Variants in LINGO2 observed in about 807,000 individuals in gnomAD.
LINGO2 encodes the protein leucine-rich repeat and immunoglobulin-like domain-containing nogo receptor-interacting protein 2.
Under a neutral mutation model 30.6 loss-of-function variants are expected in LINGO2, and 14 were observed. That is an observed-to-expected ratio of 0.46 (90% CI 0.30 to 0.72). LINGO2 has a LOEUF of 0.72. LINGO2 is among the 30% of genes least tolerant of loss of function. LINGO2 has a pLI of 0.07. For missense variants in LINGO2, 729 were observed against 751.7 expected (o/e 0.97, Z 0.35); for synonymous variants, 317 against 288.5 (o/e 1.10, Z -1.00).
the LINGO2 span, among the ~76,000 whole-genome samples, chr9:28,792,636 A>C: frequency 1.3e-5 from 2 of 152,274 alleles, no homozygotes; most frequent in Admixed American, 1.3e-4. Flanking sequence ...AAAACTTCAT[A>C]TAAATATGTG....
chr9:28,991,121 A>C, the LINGO2 span, among the ~76,000 whole-genome samples: 2 of 152,258 alleles, frequency 1.3e-5, no homozygotes, highest in Admixed American at 1.3e-4. Context: ...CTATCACAAA[A>C]ATTTAGACGA....
intron 4 of LINGO2, among the ~76,000 whole-genome samples, chr9:28,057,640 A>ACACATATATCTATAT (rs1235437530): frequency 1.0e-5 from 1 of 97,692 alleles, no homozygotes. Flanking sequence ...CACATATATA[A>ACACATATATCTATAT]ACCTGTTCAA....
chr9:28,334,760 T>C (rs1402045270), intron 3 of LINGO2, among the ~76,000 whole-genome samples: 4 of 152,112 alleles, frequency 2.6e-5, no homozygotes, highest in African/African-American at 9.7e-5. Context: ...AAGGCAGGTA[T>C]TGGAGCACCA....
intron 2 of LINGO2, among the ~76,000 whole-genome samples, chr9:28,414,108 G>C (rs1161054514): frequency 6.6e-6 from 1 of 152,002 alleles, no homozygotes; most frequent in African/African-American, 2.4e-5. Context: ...AAAGAGACAG[G>C]CTCCATAAGC....
the LINGO2 span, among the ~76,000 whole-genome samples, chr9:28,935,568 A>G: frequency 6.6e-6 from 1 of 152,108 alleles, no homozygotes; most frequent in Non-Finnish European, 1.5e-5. Context: ...TTTCATATAC[A>G]TAGTGATTGG....
chr9:28,629,819 A>G (rs1278800580), intron 1 of LINGO2, among the ~76,000 whole-genome samples: 3 of 152,100 alleles, frequency 2.0e-5, no homozygotes, highest in African/African-American at 7.2e-5. Context: ...CTGGGGAAGA[A>G]GTATGAAAAA....
At chr9:28,620,152 G>A (rs565865880) in intron 1 of LINGO2, among the ~76,000 whole-genome samples, 1 of 150,368 alleles carries the variant, frequency 6.7e-6, no homozygotes, top group Admixed American at 6.7e-5. Flanking sequence ...CCTAAGTGCT[G>A]CATTCTCCTA....
chr9:28,427,320 T>G (rs1823454374), intron 2 of LINGO2, among the ~76,000 whole-genome samples: 1 of 152,234 alleles, frequency 6.6e-6, no homozygotes, highest in South Asian at 2.1e-4. Flanking sequence ...CCAGCCCACC[T>G]GCTCTCACAC....
In LINGO2 at chr9:28,147,814, C is replaced by A. The variant is rs1038393216; in HGVS notation, c.-86-135409G>T. 2.6e-5 allele frequency among the ~76,000 whole-genome samples: 4 copies of A among 152,220 alleles called. No individual in the cohort carries two copies. Among genetic ancestry groups the A allele is most frequent in the Admixed American group, 1.3e-4 (2 of 15,304 alleles). On this transcript the variant is annotated intron_variant, in intron 4 of 5. Transcript: ENST00000379992. This position sits in a 1 kb window ranked among gnomAD's most constrained non-coding sequence, Gnocchi z 4.7. ...TGCCCTTTGACTCCTCTTGTAGGCA[C>A]CCTCGCTGGGCTCCTAAGCACTCCT...
At chr9:28,749,898 A>C in the LINGO2 span, among the ~76,000 whole-genome samples, 2,453 of 152,214 alleles carry the variant, frequency 0.016, 39 homozygotes, top group Non-Finnish European at 0.025. Flanking sequence ...GATTAGTCAT[A>C]ATTGCTAAAA....
At chr9:28,427,982 C>A in intron 2 of LINGO2, among the ~76,000 whole-genome samples, 1 of 150,630 alleles carries the variant, frequency 6.6e-6, no homozygotes, top group East Asian at 1.9e-4. Flanking sequence ...TTTCTGTAAA[C>A]AGTATCACAT....
At chr9:28,822,759 G>C in the LINGO2 span, among the ~76,000 whole-genome samples, 107 of 152,168 alleles carry the variant, frequency 7.0e-4, no homozygotes, top group African/African-American at 2.4e-3. Context: ...TTAGGACCTT[G>C]AGGTTATGTG....
intron 5 of LINGO2, among the ~76,000 whole-genome samples, chr9:27,990,458 C>A (rs1821337819): frequency 2.1e-5 from 1 of 47,286 alleles, no homozygotes; most frequent in Non-Finnish European, 5.3e-5. Context: ...TCAGTGGTCT[C>A]AATACCCCCC....
intron 4 of LINGO2, among the ~76,000 whole-genome samples, chr9:28,270,839 T>A (rs1822914016): frequency 6.6e-6 from 1 of 152,146 alleles, no homozygotes; most frequent in African/African-American, 2.4e-5. Context: ...ACAAAACTCA[T>A]GAGTTTCTTC....
At chr9:28,549,020 T>A (rs1822118294) in intron 1 of LINGO2, among the ~76,000 whole-genome samples, 1 of 152,052 alleles carries the variant, frequency 6.6e-6, no homozygotes, top group African/African-American at 2.4e-5. Flanking sequence ...AACATTAACC[T>A]GTACACAGTT....
intron 5 of LINGO2, among the ~76,000 whole-genome samples, chr9:27,975,699 C>T (rs1038437941): frequency 6.6e-6 from 1 of 151,846 alleles, no homozygotes; most frequent in African/African-American, 2.4e-5. Context: ...TTTAAAAAAC[C>T]TTGTTATTGG....
intron 1 of LINGO2, among the ~76,000 whole-genome samples, chr9:28,522,274 A>T (rs1276497858): frequency 6.6e-6 from 1 of 152,202 alleles, no homozygotes; most frequent in African/African-American, 2.4e-5. Context: ...ATCAGATGAA[A>T]AGCTATCATT....
chr9:28,709,515 CT>C, the LINGO2 span, among the ~76,000 whole-genome samples: 2 of 151,808 alleles, frequency 1.3e-5, no homozygotes, highest in Admixed American at 6.6e-5. Flanking sequence ...CCAAGCTTTC[CT>C]TAAATAAATT....
At chr9:28,651,771 C>T (rs1375947117) in intron 1 of LINGO2, among the ~76,000 whole-genome samples, 1 of 152,130 alleles carries the variant, frequency 6.6e-6, no homozygotes, top group South Asian at 2.1e-4. Flanking sequence ...GTCTCACATG[C>T]CTCTGATGAG....
Sources: gnomAD v4.1 joint callset for allele counts (sites outside exome capture counted in the v4.1 genomes callset) on GRCh38, gnomAD v4.1.1 for gene constraint, Gnocchi (gnomAD v3.1) non-coding constraint, MANE v1.5 for transcripts, NCBI Gene and HGNC (gene_info 2026-07-23, HGNC 2026-07-21) for gene names.